Variants in TPD52 observed in about 807,000 individuals in gnomAD.
The protein encoded by TPD52 is prostate and colon associated protein.
A neutral mutation model predicts 31.3 loss-of-function variants in TPD52; 17 were observed. The ratio of observed to expected loss-of-function variants is 0.54; its 90% confidence interval spans 0.37 to 0.82. The LOEUF (loss-of-function observed/expected upper bound fraction) is 0.82. Ranked by LOEUF, TPD52 falls within the 40% of genes least tolerant of loss-of-function variation. The pLI is 0.00. For missense variants in TPD52, 212 were observed against 240.1 expected (o/e 0.88, Z 0.77); for synonymous variants, 83 against 89.6 (o/e 0.93, Z 0.42).
chr8:80,145,511 G>A (rs184737616), intron 1 of TPD52, among the ~76,000 whole-genome samples: 9 of 152,282 alleles, frequency 5.9e-5, no homozygotes, highest in Non-Finnish European at 1.3e-4. Context: ...GCTCAGTGCT[G>A]GGCACATAGC....
chr8:80,147,087 T>C (rs1290532813), intron 1 of TPD52, among the ~76,000 whole-genome samples: 1 of 152,194 alleles, frequency 6.6e-6, no homozygotes, highest in Non-Finnish European at 1.5e-5. Flanking sequence ...ACCACTGGCC[T>C]ACATGGGCAG....
chr8:80,170,764 G>T (rs1812024512), intron 1 of TPD52, among the ~76,000 whole-genome samples: 1 of 152,184 alleles, frequency 6.6e-6, no homozygotes, highest in South Asian at 2.1e-4. Context: ...TTTCACTTGA[G>T]CTGTTTTCAG....
chr8:80,078,953 A>C (rs1426212255), intron 1 of TPD52, among the ~76,000 whole-genome samples: 1 of 152,120 alleles, frequency 6.6e-6, no homozygotes, highest in African/African-American at 2.4e-5. Flanking sequence ...GAACTAAAAG[A>C]AGCAAGCAGT....
At position 80,051,002 on chromosome 8, in the gene TPD52, GAAA is replaced by G. The variant is rs201164661; in HGVS notation, c.386+522_386+524del. ...GAAAACTCTGCAGACTAATCTAAAT[GAAA>G]AAAAAAAAAAGCAACAACTCAAAAT... is the stretch of plus-strand genomic sequence containing the variant. On this transcript the variant is annotated intron_variant, in intron 4 of 7. Transcript: ENST00000518937. Among the ~76,000 whole-genome samples, 733 of 119,406 alleles carry G rather than the reference GAAA, an allele frequency of 6.1e-3. 6 individuals are homozygous for G. Among genetic ancestry groups the G allele is most frequent in the African/African-American group, 0.02 (678 of 34,276 alleles). The allele number at this position is 119,406 out of a possible 152,430, so 78.3% of individuals were successfully genotyped here.
Position 80,112,574 on chromosome 8 carries a change from G to A in TPD52, c.20-47981C>T, listed in dbSNP as rs115443096. Among the ~76,000 whole-genome samples the A allele has an allele frequency of 7.8e-3, 1,183 of 152,188 alleles. 21 individuals carry two copies. Among genetic ancestry groups the A allele is most frequent in the African/African-American group, 0.027 (1,125 of 41,522 alleles). On this transcript the variant is annotated intron_variant, in intron 1 of 7. Coordinates refer to ENST00000518937, the MANE Select transcript of TPD52 (RefSeq NM_001025253.3). ...ACCAATAGTTTAGAAATCGTATCTC[G>A]CAAGTCTAAAAAAACAATGTAGAGT...
chr8:80,067,281 T>C (rs755848922), intron 1 of TPD52: 3 of 152,174 alleles, frequency 2.0e-5, no homozygotes, highest in Non-Finnish European at 4.4e-5. Flanking sequence ...AGAAAGTTGG[T>C]AATGACATGT....
intron 2 of TPD52, among the ~76,000 whole-genome samples, chr8:80,059,284 A>G (rs1812239872): frequency 6.6e-6 from 1 of 152,186 alleles, no homozygotes; most frequent in African/African-American, 2.4e-5. Flanking sequence ...GTGTATTAAA[A>G]CTTTTGGGAT....
At chr8:80,170,019 T>C (rs990842121) in intron 1 of TPD52, among the ~76,000 whole-genome samples, 3 of 152,226 alleles carry the variant, frequency 2.0e-5, no homozygotes, top group Non-Finnish European at 4.4e-5. Context: ...AAGCATATTG[T>C]ATGTAATGTT....
intron 1 of TPD52, among the ~76,000 whole-genome samples, chr8:80,167,039 G>C (rs1811763478): frequency 6.6e-6 from 1 of 151,990 alleles, no homozygotes; most frequent in Non-Finnish European, 1.5e-5. Flanking sequence ...CAATATTTCT[G>C]ATTTTTCTAA....
chr8:80,036,339 A>C lies in TPD52; in HGVS notation c.*1777T>G, dbSNP rs1809905529. On this transcript the variant is annotated 3_prime_UTR_variant, in exon 8 of 8. Coordinates refer to ENST00000518937, the MANE Select transcript of TPD52 (RefSeq NM_001025253.3). ...AAGTAGACTAGTTCATAGAAAAAAT[A>C]ATTTAACACTTGAGTAAGCACAATA... The C allele has an allele frequency of 6.6e-6, 1 of 152,642 alleles. No homozygotes were observed. Among genetic ancestry groups the C allele is most frequent in the Non-Finnish European group, 1.5e-5 (1 of 68,036 alleles). 9.5% of individuals were successfully genotyped at this position (152,642 alleles called of 1,614,324 possible). A position where few individuals can be genotyped will look rare whatever the true frequency, so the allele number is the denominator to read the frequency against.
chr8:80,065,914 A>T (rs963938913), intron 1 of TPD52, among the ~76,000 whole-genome samples: 3 of 151,056 alleles, frequency 2.0e-5, no homozygotes, highest in Non-Finnish European at 4.4e-5. Context: ...TTGGGATTAC[A>T]AAGTCTCCTC....
intron 1 of TPD52, among the ~76,000 whole-genome samples, chr8:80,066,137 AAGG>A (rs1338155067): frequency 6.6e-6 from 1 of 152,262 alleles, no homozygotes; most frequent in Non-Finnish European, 1.5e-5. Context: ...AAGAAAAAGG[AAGG>A]AGAATAACCA....
chr8:80,147,187 A>G (rs1810252550), intron 1 of TPD52, among the ~76,000 whole-genome samples: 1 of 152,188 alleles, frequency 6.6e-6, no homozygotes, highest in Non-Finnish European at 1.5e-5. Flanking sequence ...GCCTATCTTT[A>G]TCTATACTCT....
intron 1 of TPD52, among the ~76,000 whole-genome samples, chr8:80,163,360 T>C (rs1205561735): frequency 6.6e-6 from 1 of 152,164 alleles, no homozygotes; most frequent in Non-Finnish European, 1.5e-5. Flanking sequence ...AAAATAAGCA[T>C]CACAAGAAGA....
intron 1 of TPD52, among the ~76,000 whole-genome samples, chr8:80,163,673 G>C (rs1811512696): frequency 6.6e-6 from 1 of 152,136 alleles, no homozygotes; most frequent in Non-Finnish European, 1.5e-5. Flanking sequence ...TCCAGAATGA[G>C]ATTCAGTAAC....
intron 5 of TPD52, among the ~76,000 whole-genome samples, chr8:80,046,243 T>C (rs1205418954): frequency 6.6e-6 from 1 of 152,258 alleles, no homozygotes; most frequent in Non-Finnish European, 1.5e-5. Context: ...GTATGCATTA[T>C]ATCACACTTG....
At chr8:80,166,584 T>C (rs1227166430) in intron 1 of TPD52, among the ~76,000 whole-genome samples, 1 of 151,740 alleles carries the variant, frequency 6.6e-6, no homozygotes, top group African/African-American at 2.4e-5. Flanking sequence ...GGGCAAGTTA[T>C]AAAATGCAAT....
intron 1 of TPD52, among the ~76,000 whole-genome samples, chr8:80,163,967 AC>A (rs1218842724): frequency 1.3e-5 from 2 of 151,734 alleles, no homozygotes. Context: ...ACCCTAATGA[AC>A]ATATATTGGG....
intron 1 of TPD52, among the ~76,000 whole-genome samples, chr8:80,109,483 T>C (rs1398926787): frequency 1.3e-5 from 2 of 152,192 alleles, no homozygotes; most frequent in Non-Finnish European, 2.9e-5. Context: ...CTCGGCTCAC[T>C]GCAACCTCCG....
Sources: gnomAD v4.1 joint callset for allele counts (sites outside exome capture counted in the v4.1 genomes callset) on GRCh38, gnomAD v4.1.1 for gene constraint, MANE v1.5 for transcripts, NCBI Gene and HGNC (gene_info 2026-07-23, HGNC 2026-07-21) for gene names.